MED23: variants seen among roughly 807,000 people sequenced by gnomAD.
MED23 encodes mediator complex subunit 23, also known as mediator of RNA polymerase II transcription subunit 23.
MED23 carries 105 observed loss-of-function variants against 163.9 expected under a neutral mutation model. The observed-to-expected ratio is 0.64, with a 90% CI of 0.55 to 0.75. The LOEUF is 0.75. Ranked by LOEUF, MED23 falls within the 30% of genes least tolerant of loss-of-function variation. The pLI is 0.00. For synonymous variants in MED23, 561 were observed against 565.6 expected (o/e 0.99, Z 0.12); for missense variants, 1,054 against 1,649.0 (o/e 0.64, Z 6.25).
At chr6:131,596,790 T>A (rs1388804325) in intron 20 of MED23, 102 bp from the exon 21 acceptor site, 1 of 1,135,258 alleles carries the variant, frequency 8.8e-7, no homozygotes, top group Non-Finnish European at 1.3e-6. Context: ...ATCTCACTAT[T>A]ATAATTTCCT....
At chr6:131,576,316 G>C (rs1211412798) in intron 30 of MED23, among the ~76,000 whole-genome samples, 1 of 152,210 alleles carries the variant, frequency 6.6e-6, no homozygotes, top group Non-Finnish European at 1.5e-5. Flanking sequence ...GACTGCTTTT[G>C]CACAAACTAC....
At chr6:131,608,186 A>C in intron 11 of MED23, 115 bp from the exon 12 acceptor site, 1 of 1,160,734 alleles carries the variant, frequency 8.6e-7, no homozygotes, top group Non-Finnish European at 1.3e-6. Flanking sequence ...TCTTGCTCTG[A>C]GAAAGTCAGC....
At position 131,586,886 on chromosome 6, in the gene MED23, TAA is replaced by T. The variant is rs1774216664; in HGVS notation, c.*791_*792del. 6.9e-7 allele frequency: 1 copy of T among 1,456,130 alleles called. No individual in the cohort carries two copies. The highest frequency in any genetic ancestry group is 1.4e-5 in the African/African-American group (1 of 70,750). 90.2% of individuals were successfully genotyped at this position (1,456,130 alleles called of 1,614,324 possible). A position where few individuals can be genotyped will look rare whatever the true frequency, so the allele number is the denominator to read the frequency against. On this transcript the variant is annotated 3_prime_UTR_variant, in exon 29 of 29. Coordinates refer to ENST00000368068, the MANE Select transcript of MED23 (RefSeq NM_004830.4). ...TTACAAATATAAAATTTAAAAATTT[TAA>T]GATTATAAAAATTGAAGAATTACAT...
chr6:131,621,711 T>C (rs1777116907), intron 6 of MED23, among the ~76,000 whole-genome samples, 170 bp downstream of exon 6: 1 of 152,254 alleles, frequency 6.6e-6, no homozygotes, highest in Non-Finnish European at 1.5e-5. Context: ...AAATTTAAAA[T>C]GTCCTTTTGA....
downstream of MED23, chr6:131,583,531 C>T (rs767301672): frequency 6.2e-7 from 1 of 1,601,492 alleles, no homozygotes; most frequent in Admixed American, 1.7e-5. Flanking sequence ...CAAGTGTACA[C>T]TTGACTAATA....
At chr6:131,610,331 A>T (rs1332738005) in intron 10 of MED23, 85 bp from the exon 11 acceptor site, 2 of 1,320,516 alleles carry the variant, frequency 1.5e-6, no homozygotes, top group Non-Finnish European at 2.1e-6. Context: ...TAATTGTAAC[A>T]AGAGGCTGAG....
upstream of MED23, chr6:131,628,252 C>T (rs941784241): frequency 2.0e-5 from 12 of 601,374 alleles, no homozygotes; most frequent in East Asian, 3.4e-4. Flanking sequence ...CGGGAAGGGC[C>T]CGGTACGCGC....
At position 131,609,572 on chromosome 6, in the gene MED23, G is replaced by A. The variant is rs144097210; in HGVS notation, c.1077+474C>T. On this transcript the variant is annotated intron_variant, in intron 11 of 28. Transcript: ENST00000368068. ...CTGTCGCCGAGGCTGGAGTGCAGTC[G>A]TGTGATTTTGGCTCACTGCAACCTT... is the stretch of plus-strand genomic sequence containing the variant. Among the ~76,000 whole-genome samples, 638 of 138,484 alleles carry A rather than the reference G, an allele frequency of 4.6e-3. 2 individuals are homozygous for A. The highest frequency in any genetic ancestry group is 0.016 in the South Asian group (72 of 4,398). 90.9% of individuals were successfully genotyped at this position (138,484 alleles called of 152,430 possible).
intron 17 of MED23, 79 bp downstream of exon 17, chr6:131,602,139 G>A: frequency 6.8e-7 from 1 of 1,467,040 alleles, no homozygotes; most frequent in Non-Finnish European, 9.5e-7. Context: ...TTTTTAGTAT[G>A]TTACAACTAT....
At chr6:131,626,190 A>G (rs910677057) in intron 3 of MED23, among the ~76,000 whole-genome samples, 23 of 151,896 alleles carry the variant, frequency 1.5e-4, no homozygotes, top group Admixed American at 7.9e-4. Context: ...ATAAACTAGT[A>G]TAACCCTTAT....
chr6:131,598,133 G>A lies in MED23; in HGVS notation c.2607+154C>T, dbSNP rs1459118362. 2.5e-6 allele frequency: 2 copies of A among 807,500 alleles called. No homozygotes were observed. The highest frequency in any genetic ancestry group is 2.0e-6 in the Non-Finnish European group (1 of 509,942). 50.0% of individuals were successfully genotyped at this position (807,500 alleles called of 1,614,324 possible). ...CAAAAACAAACAAAAACAGAAATTG[G>A]AAAATTTCCGGCTCTTTAGGGAAGT... On this transcript the variant is annotated intron_variant, in intron 20 of 28. Coordinates refer to ENST00000368068, the MANE Select transcript of MED23 (RefSeq NM_004830.4). This position sits in a 1 kb window ranked among gnomAD's most constrained non-coding sequence, Gnocchi z 4.7.
intron 28 of MED23, among the ~76,000 whole-genome samples, chr6:131,588,602 G>C (rs1774347511): frequency 6.6e-6 from 1 of 152,158 alleles, no homozygotes; most frequent in Non-Finnish European, 1.5e-5. Flanking sequence ...ACATGAGAGA[G>C]AACAGGTCAA....
chr6:131,614,086 G>T (rs548932077), intron 10 of MED23, among the ~76,000 whole-genome samples: 1 of 152,146 alleles, frequency 6.6e-6, no homozygotes, highest in Non-Finnish European at 1.5e-5. Flanking sequence ...TTCAATGAAA[G>T]TTGATCAGAA....
At chr6:131,592,519 C>T (rs1774723461) in intron 24 of MED23, 59 bp from the exon 25 acceptor site, 2 of 1,386,120 alleles carry the variant, frequency 1.4e-6, no homozygotes, top group Non-Finnish European at 2.1e-6. Flanking sequence ...AGATGGCTGA[C>T]AACGGATCTT....
chr6:131,625,101 G>A, intron 3 of MED23, 112 bp from the exon 4 acceptor site: 1 of 1,171,524 alleles, frequency 8.5e-7, no homozygotes, highest in Non-Finnish European at 1.2e-6. Flanking sequence ...ACTTCACTAT[G>A]AGCATCTGTG....
At chr6:131,614,744 C>G (rs1416224596) in intron 10 of MED23, among the ~76,000 whole-genome samples, 1 of 152,098 alleles carries the variant, frequency 6.6e-6, no homozygotes, top group African/African-American at 2.4e-5. Context: ...TCCAAAAAAG[C>G]CTTTCCTGTA....
At chr6:131,586,597 A>G, downstream of MED23, 1 of 314,070 alleles carries the variant, frequency 3.2e-6, no homozygotes, top group Non-Finnish European at 5.1e-6. Flanking sequence ...GTTCTTTTTA[A>G]AAGAATCTGT....
chr6:131,583,564 G>GA (rs60712846), downstream of MED23: 1,497,583 of 1,590,426 alleles, frequency 0.94, 705,629 homozygotes, highest in East Asian at 1. Flanking sequence ...TCCTTGACCT[G>GA]AAACCAAGTC....
downstream of MED23, chr6:131,583,269 T>A (rs1294230378): frequency 3.7e-6 from 6 of 1,607,692 alleles, no homozygotes; most frequent in African/African-American, 1.3e-5. Flanking sequence ...GGGTTGCTAC[T>A]TTTTATAAAA....
Sources: allele counts gnomAD v4.1 joint callset (sites outside exome capture counted in the v4.1 genomes callset), GRCh38; gene constraint gnomAD v4.1.1; non-coding constraint Gnocchi (gnomAD v3.1); transcripts MANE v1.5; gene names NCBI Gene and HGNC (gene_info 2026-07-23, HGNC 2026-07-21).